The following HMCN2 variants were observed in gnomAD, a reference collection of about 807,000 sequenced individuals.
HMCN2 encodes the protein hemicentin-2.
In HMCN2, 325 loss-of-function variants were observed where a neutral mutation model predicts 377.5. The ratio of observed to expected loss-of-function variants is 0.86; its 90% CI spans 0.79 to 0.94. HMCN2 has a LOEUF of 0.94. Ranked by LOEUF, HMCN2 falls within the 40% of genes least tolerant of loss-of-function variation. The pLI is 0.00. For missense variants in HMCN2, 4,543 were observed against 4,725.3 expected (o/e 0.96, Z 1.13); for synonymous variants, 2,007 against 2,046.8 (o/e 0.98, Z 0.53).
chr9:130,320,977 C>CT (rs1382124858), intron 18 of HMCN2, 74 bp downstream of exon 18: 1 of 152,316 alleles, frequency 6.6e-6, no homozygotes, highest in Non-Finnish European at 1.5e-5. Flanking sequence ...AGCCACGTCT[C>CT]TATCTCTGCT....
At position 130,351,605 on chromosome 9, in the gene HMCN2, G is replaced by A. The variant is rs767349149; in HGVS notation, c.4585+28G>A. 2.9e-5 allele frequency: 37 copies of A among 1,290,598 alleles called. No homozygotes were observed. In the South Asian group the frequency reaches 3.0e-4, roughly 10 times the overall value. 79.9% of individuals were successfully genotyped at this position (1,290,598 alleles called of 1,614,324 possible). On this transcript the variant is annotated intron_variant, in intron 30 of 97. Transcript: ENST00000683500. The surrounding 1 kb of genome is among the most constrained non-coding windows in gnomAD (Gnocchi z 5.4). ...GAGCCCCCACGCCTTCTGGGACCCC[G>A]CCACAGGCTACTCAGGAAGCTTCCC...
At chr9:130,280,959 C>T (rs943573190) in intron 1 of HMCN2, among the ~76,000 whole-genome samples, 10 of 151,788 alleles carry the variant, frequency 6.6e-5, no homozygotes, top group African/African-American at 9.7e-5. Context: ...CAAAATTAGC[C>T]GAGCATGGTG....
At chr9:130,345,339 T>TCTTA (rs1839324130) in intron 25 of HMCN2, among the ~76,000 whole-genome samples, 1 of 122,302 alleles carries the variant, frequency 8.2e-6, no homozygotes, top group African/African-American at 3.6e-5. Flanking sequence ...TGTGTGTGTA[T>TCTTA]GTTTGTGGTG....
intron 61 of HMCN2, among the ~76,000 whole-genome samples, chr9:130,387,118 G>A (rs547760655): frequency 6.6e-6 from 1 of 152,340 alleles, no homozygotes; most frequent in Admixed American, 6.5e-5. Context: ...AGGGGGGCCT[G>A]TCCCATCCAC....
intron 85 of HMCN2, among the ~76,000 whole-genome samples, chr9:130,411,037 TGGA>T (rs937877976): frequency 3.9e-5 from 6 of 152,116 alleles, no homozygotes; most frequent in Non-Finnish European, 8.8e-5. Context: ...TGAACACCTG[TGGA>T]GAAGAGCCAG....
At chr9:130,274,021 T>G (rs1384757071) in intron 1 of HMCN2, among the ~76,000 whole-genome samples, 3 of 151,996 alleles carry the variant, frequency 2.0e-5, no homozygotes, top group African/African-American at 7.3e-5. Flanking sequence ...TATAAGATCC[T>G]TCTCCTGTTG....
At chr9:130,344,739 GGT>G (rs1230321297) in intron 25 of HMCN2, among the ~76,000 whole-genome samples, 100 of 149,832 alleles carry the variant, frequency 6.7e-4, no homozygotes, top group Admixed American at 2.1e-3. Context: ...GTGAATGTGT[GGT>G]GTGTGTGTGT....
intron 22 of HMCN2, among the ~76,000 whole-genome samples, chr9:130,331,782 C>G (rs1009815534): frequency 6.6e-6 from 1 of 152,168 alleles, no homozygotes; most frequent in Non-Finnish European, 1.5e-5. Context: ...GGAGATGGGA[C>G]GGCTGTGAGC....
intron 76 of HMCN2, 52 bp from the exon 77 acceptor site, chr9:130,400,731 G>A (rs1036870468): frequency 6.7e-5 from 83 of 1,231,466 alleles, no homozygotes; most frequent in Admixed American, 4.7e-4. Flanking sequence ...CCCTGTGGCC[G>A]TGAGTGCCCT....
In HMCN2 at chr9:130,388,780, G is replaced by A. The variant is rs189923773; in HGVS notation, c.9523+240G>A. 2.6e-3 allele frequency among the ~76,000 whole-genome samples: 400 copies of A among 151,826 alleles called. 4 individuals carry two copies. The highest frequency in any genetic ancestry group is 8.7e-3 in the African/African-American group (361 of 41,354). ...GGTTTGGAAGCTCCTTTGCATCCAC[G>A]TCCTCAGTCAGCTCCCATGAGACAG... On this transcript the variant is annotated intron_variant, in intron 62 of 97. Coordinates refer to ENST00000683500, the MANE Select transcript of HMCN2 (RefSeq NM_001291815.2).
intron 45 of HMCN2, among the ~76,000 whole-genome samples, chr9:130,370,693 C>T (rs760463793): frequency 6.6e-6 from 1 of 152,224 alleles, no homozygotes; most frequent in Non-Finnish European, 1.5e-5. Flanking sequence ...GGCACTTTCA[C>T]GTGTTCCTGT....
At chr9:130,299,428 T>C (rs1836349953) in intron 8 of HMCN2, 140 bp downstream of exon 8, 1 of 351,094 alleles carries the variant, frequency 2.8e-6, no homozygotes, top group Non-Finnish European at 5.9e-6. Flanking sequence ...AGCTATTCCC[T>C]ATAAGGCATT....
chr9:130,326,467 C>T (rs1021227531), intron 21 of HMCN2, among the ~76,000 whole-genome samples: 4 of 152,102 alleles, frequency 2.6e-5, no homozygotes, highest in Non-Finnish European at 5.9e-5. Context: ...CCTTCGCTGC[C>T]GTCCGCAGCA....
At chr9:130,292,952 A>G (rs1017308602) in intron 4 of HMCN2, among the ~76,000 whole-genome samples, 33 of 143,390 alleles carry the variant, frequency 2.3e-4, no homozygotes, top group Non-Finnish European at 4.2e-4. Flanking sequence ...TTCTGGATCA[A>G]TTGCTCTATC....
chr9:130,433,606 C>G lies in HMCN2; in HGVS notation c.15153C>G (p.Gly5051=). The G allele has an allele frequency of 6.6e-7, 1 of 1,516,692 alleles. No homozygotes were observed. The allele number at this position is 1,516,692 out of a possible 1,614,324, so 94.0% of individuals were successfully genotyped here. Residue 5051 remains glycine, a synonymous_variant, in exon 98 of 98, where the codon GGC becomes GGG. Transcript: ENST00000683500. ...VYTRRALTRA[G]LYRLTVRAAA... is the part of the protein sequence containing the mutation. ...CCCGTCGCGCGCTCACCCGCGCCGG[C>G]CTCTACCGGCTCACCGTGCGTGCTG...
intron 8 of HMCN2, 149 bp from the exon 9 acceptor site, chr9:130,302,708 G>T (rs1346715930): frequency 3.5e-6 from 1 of 289,398 alleles, no homozygotes; most frequent in East Asian, 8.7e-5. Flanking sequence ...TTTTGCAGAG[G>T]TGAAAACTGA....
At chr9:130,430,238 G>A (rs1219397279) in intron 94 of HMCN2, 46 bp from the exon 95 acceptor site, 2 of 1,450,390 alleles carry the variant, frequency 1.4e-6, no homozygotes, top group Admixed American at 2.2e-5. Flanking sequence ...AGGCTGCAGG[G>A]GAACCTGGGC....
chr9:130,352,017 G>A (rs930056350), intron 30 of HMCN2, among the ~76,000 whole-genome samples: 1 of 152,026 alleles, frequency 6.6e-6, no homozygotes, highest in Non-Finnish European at 1.5e-5. Flanking sequence ...TCACCATGTT[G>A]GCCAGGCTGG....
intron 23 of HMCN2, among the ~76,000 whole-genome samples, chr9:130,338,986 C>T (rs902538615): frequency 5.9e-5 from 9 of 152,098 alleles, no homozygotes; most frequent in Admixed American, 2.0e-4. Context: ...CCCAGAAGTT[C>T]GAGACCAGCC....
Sources: allele counts gnomAD v4.1 joint callset (sites outside exome capture counted in the v4.1 genomes callset), GRCh38; gene constraint gnomAD v4.1.1; non-coding constraint Gnocchi (gnomAD v3.1); transcripts MANE v1.5; gene names NCBI Gene and HGNC (gene_info 2026-07-23, HGNC 2026-07-21).